The following PTTG1IP2 variants were observed in gnomAD, a reference collection of about 807,000 sequenced individuals.
PTTG1IP2 encodes PTTG1IP family member 2.
chr7:90,486,758 T>C (rs1216791221), intron 2 of PTTG1IP2, among the ~76,000 whole-genome samples: 1 of 152,164 alleles, frequency 6.6e-6, no homozygotes, highest in Admixed American at 6.5e-5. Flanking sequence ...CAGTTCTTAT[T>C]ACTACTTTGT....
chr7:90,479,591 T>C (rs1797793030), intron 2 of PTTG1IP2, among the ~76,000 whole-genome samples: 1 of 152,198 alleles, frequency 6.6e-6, no homozygotes, highest in Non-Finnish European at 1.5e-5. Flanking sequence ...GATATATCTT[T>C]TGAGATGTGG....
chr7:90,488,840 C>T (rs1797906397), intron 3 of PTTG1IP2, 31 bp from the exon 4 acceptor site: 1 of 151,892 alleles, frequency 6.6e-6, no homozygotes, highest in African/African-American at 2.4e-5. Flanking sequence ...GTTCTGTTAA[C>T]TTAAAATATA....
intron 6 of PTTG1IP2, among the ~76,000 whole-genome samples, chr7:90,497,425 G>T (rs1182711744): frequency 1.3e-5 from 2 of 151,854 alleles, no homozygotes; most frequent in Admixed American, 6.6e-5. Context: ...TTAGCCGGGC[G>T]TGGCGGCGGG....
At chr7:90,495,801 G>T (rs1165980352) in intron 6 of PTTG1IP2, among the ~76,000 whole-genome samples, 1 of 152,170 alleles carries the variant, frequency 6.6e-6, no homozygotes, top group African/African-American at 2.4e-5. Flanking sequence ...TAGGAGAGCA[G>T]GTGAAAACCA....
intron 6 of PTTG1IP2, among the ~76,000 whole-genome samples, chr7:90,496,820 A>G (rs1797996914): frequency 6.6e-6 from 1 of 152,044 alleles, no homozygotes; most frequent in Non-Finnish European, 1.5e-5. Context: ...TTATGTAGGC[A>G]TGATTGTTAT....
chr7:90,473,376 A>C (rs1380425171), intron 1 of PTTG1IP2, among the ~76,000 whole-genome samples: 1 of 152,174 alleles, frequency 6.6e-6, no homozygotes, highest in South Asian at 2.1e-4. Context: ...TGAGATTCAC[A>C]CAGTGAGGCT....
intron 6 of PTTG1IP2, among the ~76,000 whole-genome samples, chr7:90,496,472 G>T (rs1318092691): frequency 1.3e-5 from 2 of 151,992 alleles, no homozygotes; most frequent in Non-Finnish European, 2.9e-5. Context: ...TATTTCTGTG[G>T]TATCAGTTGT....
At chr7:90,473,620 A>T (rs1348595701) in intron 1 of PTTG1IP2, among the ~76,000 whole-genome samples, 1 of 152,210 alleles carries the variant, frequency 6.6e-6, no homozygotes, top group Non-Finnish European at 1.5e-5. Context: ...CTGAATTGTG[A>T]TGTAAAACTG....
chr7:90,508,358 A>C (rs1049875960), intron 6 of PTTG1IP2, among the ~76,000 whole-genome samples: 1 of 152,162 alleles, frequency 6.6e-6, no homozygotes, highest in African/African-American at 2.4e-5. Context: ...TAAAGAACTC[A>C]TGTAGTACAT....
chr7:90,477,331 T>C (rs1447378138), intron 1 of PTTG1IP2, among the ~76,000 whole-genome samples: 1 of 152,210 alleles, frequency 6.6e-6, no homozygotes, highest in East Asian at 1.9e-4. Context: ...AGCTGTACCC[T>C]CATTAGTTTT....
intron 2 of PTTG1IP2, among the ~76,000 whole-genome samples, chr7:90,484,889 T>C (rs1282559662): frequency 6.6e-6 from 1 of 152,210 alleles, no homozygotes; most frequent in Non-Finnish European, 1.5e-5. Context: ...TTGTGGTAAA[T>C]GGACATTCTG....
intron 2 of PTTG1IP2, among the ~76,000 whole-genome samples, chr7:90,481,153 A>G (rs1042446348): frequency 6.6e-6 from 1 of 152,142 alleles, no homozygotes; most frequent in East Asian, 1.9e-4. Flanking sequence ...TGGGAGTTGT[A>G]AAAACCACTA....
At chr7:90,477,110 A>G (rs1463453751) in intron 1 of PTTG1IP2, among the ~76,000 whole-genome samples, 1 of 152,232 alleles carries the variant, frequency 6.6e-6, no homozygotes, top group East Asian at 1.9e-4. Flanking sequence ...AAGACCAGCG[A>G]TGTTCTAAGA....
chr7:90,485,954 C>T (rs1797870348), intron 2 of PTTG1IP2, among the ~76,000 whole-genome samples: 2 of 152,182 alleles, frequency 1.3e-5, no homozygotes, highest in Admixed American at 1.3e-4. Flanking sequence ...TTTGCAGTTC[C>T]AGTCTTTCGG....
At chr7:90,486,807 C>G (rs182720623) in intron 2 of PTTG1IP2, among the ~76,000 whole-genome samples, 32 of 152,280 alleles carry the variant, frequency 2.1e-4, no homozygotes, top group Non-Finnish European at 3.8e-4. Context: ...AACCTAGAGT[C>G]TGAGAAAGGG....
At chr7:90,504,320 GAA>G (rs11344275) in intron 6 of PTTG1IP2, among the ~76,000 whole-genome samples, 1 of 143,648 alleles carries the variant, frequency 7.0e-6, no homozygotes, top group Admixed American at 6.9e-5. Flanking sequence ...CATGTCAAGA[GAA>G]AAAAAAAAAG....
At chr7:90,499,966 C>A in intron 6 of PTTG1IP2, among the ~76,000 whole-genome samples, 1 of 152,106 alleles carries the variant, frequency 6.6e-6, no homozygotes, top group East Asian at 1.9e-4. Flanking sequence ...ATAATCCCAG[C>A]ACTTTGGAAG....
At chr7:90,501,777 G>A (rs1007181006) in intron 6 of PTTG1IP2, among the ~76,000 whole-genome samples, 2 of 152,212 alleles carry the variant, frequency 1.3e-5, no homozygotes, top group Non-Finnish European at 2.9e-5. Context: ...GTTGATGGTT[G>A]CAGCCTGATC....
At chr7:90,494,800 G>T (rs1385785720) in intron 6 of PTTG1IP2, among the ~76,000 whole-genome samples, 1 of 152,176 alleles carries the variant, frequency 6.6e-6, no homozygotes, top group African/African-American at 2.4e-5. Context: ...GATCACTTAA[G>T]CTCAGTTCAA....
Sources: gnomAD v4.1 joint callset for allele counts (sites outside exome capture counted in the v4.1 genomes callset) on GRCh38, gnomAD v4.1.1 for gene constraint, MANE v1.5 for transcripts, NCBI Gene and HGNC (gene_info 2026-07-23, HGNC 2026-07-21) for gene names.